TM2D3: variants seen among roughly 807,000 people sequenced by gnomAD.
TM2D3 encodes TM2 domain-containing protein 3.
TM2D3 carries 33 observed loss-of-function variants against 27.3 expected under a neutral mutation model. The ratio of observed to expected loss-of-function variants is 1.21; its 90% CI spans 0.92 to 1.61. The LOEUF (loss-of-function observed/expected upper bound fraction) is 1.61. Ranked by LOEUF, TM2D3 falls within the 40% of genes most tolerant of loss-of-function variation. The probability of loss-of-function intolerance (pLI) is 0.00; values close to 1 mark genes in which losing one functional copy is unlikely to be tolerated. For synonymous variants in TM2D3, 138 were observed against 122.2 expected, an observed-to-expected ratio of 1.13 and a Z score of -0.85; for missense variants, 364 against 320.8, an observed-to-expected ratio of 1.13 and a Z score of -1.03.
downstream of TM2D3, among the ~76,000 whole-genome samples, chr15:101,639,239 T>C (rs188392125): frequency 1.3e-5 from 2 of 152,166 alleles, no homozygotes; most frequent in South Asian, 2.1e-4. Context: ...AAGAAACGCA[T>C]ACGATGTATA....
At chr15:101,638,603 T>A (rs781747081), downstream of TM2D3, among the ~76,000 whole-genome samples, 7 of 152,120 alleles carry the variant, frequency 4.6e-5, no homozygotes, top group Non-Finnish European at 7.3e-5. Flanking sequence ...TGGCCTCCAG[T>A]GAGACTTTCT....
rs1221568139 is a variant in TM2D3 at position 101,642,516 on chromosome 15, C to T, written c.707G>A (p.Gly236Asp). 8 of 1,613,318 alleles carry T rather than the reference C, an allele frequency of 5.0e-6. No individual in the cohort carries two copies. Among genetic ancestry groups the T allele is most frequent in the Non-Finnish European group, 6.8e-6 (8 of 1,179,684 alleles). Residue 236 changes from glycine to aspartate, a missense_variant, in exon 6 of 6, where the codon GGC (glycine) becomes GAC (aspartate). By Grantham distance (94) the Gly-to-Asp change is moderately conservative. Transcript: ENST00000333202. ...TLIDVLLIGV[G>D]YVGPADGSLY... is the part of the protein sequence containing the mutation. Reference sequence around the variant, plus strand: ...AGAGCCATCTGCTGGTCCAACATAGCCAACTCCAATGAGCAGGACGTCTAT... The same window carrying T: ...AGAGCCATCTGCTGGTCCAACATAGTCAACTCCAATGAGCAGGACGTCTAT...
rs1229420529 is a variant in TM2D3 at position 101,650,199 on chromosome 15, A to G, written c.170-38T>C. 5 of 1,585,554 alleles carry G rather than the reference A, an allele frequency of 3.2e-6. No individual in the cohort carries two copies. In the South Asian group the frequency reaches 5.6e-5, roughly 18 times the overall value. ...AGAGAGAAGCTTATTCTCCTATAAT[A>G]CTGATTCGAATAACAGAGAACAATC... On this transcript the variant is annotated intron_variant, in intron 2 of 5. Transcript: ENST00000333202.
Position 101,642,259 on chromosome 15 carries a change from C to A in TM2D3, c.*220G>T. The A allele has an allele frequency of 8.1e-7, 1 of 1,228,348 alleles. No homozygotes were observed. Among genetic ancestry groups the A allele is most frequent in the Non-Finnish European group, 1.0e-6 (1 of 983,346 alleles). 76.1% of individuals were successfully genotyped at this position (1,228,348 alleles called of 1,614,324 possible). On this transcript the variant is annotated 3_prime_UTR_variant, in exon 6 of 6. Coordinates refer to ENST00000333202, the MANE Select transcript of TM2D3 (RefSeq NM_078474.3). ...ATAATTCATTCTCCTGGCTTAAGTACGTTTTAATTTTTTCACAGAAAAAAA... is the reference window on the plus strand; with the variant it reads ...ATAATTCATTCTCCTGGCTTAAGTAAGTTTTAATTTTTTCACAGAAAAAAA...
At chr15:101,651,647 C>G (rs377328879) in intron 2 of TM2D3, 49 bp downstream of exon 2, 7 of 1,534,272 alleles carry the variant, frequency 4.6e-6, no homozygotes, top group Non-Finnish European at 6.3e-6. Flanking sequence ...CAAAGAGAAA[C>G]TACTAGAGAT....
chr15:101,645,939 G>C (rs1400072059), intron 4 of TM2D3: 1 of 152,156 alleles, frequency 6.6e-6, no homozygotes, highest in East Asian at 1.9e-4. Flanking sequence ...AGAGAATATG[G>C]CTCATCAGGA....
At chr15:101,645,329 G>A (rs1382686084) in intron 4 of TM2D3, 167 bp from the exon 5 acceptor site, 1 of 614,250 alleles carries the variant, frequency 1.6e-6, no homozygotes, top group African/African-American at 1.9e-5. Flanking sequence ...CTACATAGAT[G>A]TAATATTTAA....
chr15:101,640,158 CTGAG>C (rs1199949615), downstream of TM2D3, among the ~76,000 whole-genome samples: 1 of 152,206 alleles, frequency 6.6e-6, no homozygotes. Context: ...ACATGATGGA[CTGAG>C]TATTTGTGTC....
At chr15:101,643,462 C>T (rs2141362291) in intron 5 of TM2D3, among the ~76,000 whole-genome samples, 1 of 151,904 alleles carries the variant, frequency 6.6e-6, no homozygotes, top group Middle Eastern at 3.4e-3. Flanking sequence ...ATTAGCCAGG[C>T]GTGGTGGCGG....
chr15:101,647,125 G>GA (rs1318628945), intron 3 of TM2D3, among the ~76,000 whole-genome samples: 1 of 152,054 alleles, frequency 6.6e-6, no homozygotes, highest in Non-Finnish European at 1.5e-5. Flanking sequence ...GTACTTAAGG[G>GA]AAAAAACTAG....
intron 2 of TM2D3, chr15:101,650,385 C>T (rs751672230): frequency 5.8e-5 from 24 of 411,630 alleles, no homozygotes; most frequent in Non-Finnish European, 9.4e-5. Context: ...TACTTCATTC[C>T]TGCCTCCCAC....
downstream of TM2D3, chr15:101,636,993 G>C (rs1896565556): frequency 2.9e-6 from 1 of 344,466 alleles, no homozygotes; most frequent in African/African-American, 2.2e-5. Context: ...ACAGTATCAA[G>C]AGGTCCTAAG....
Position 101,642,182 on chromosome 15 carries a change from T to C in TM2D3, c.*297A>G. On this transcript the variant is annotated 3_prime_UTR_variant, in exon 6 of 6. Transcript: ENST00000333202. ...GAGATACAAGTGATGTAGTTTGACT[T>C]GGGCAATACAAAACAAAAGTCATAG... 2.9e-6 allele frequency: 3 copies of C among 1,051,546 alleles called. No homozygotes were observed. Among genetic ancestry groups the C allele is most frequent in the Non-Finnish European group, 3.4e-6 (3 of 873,326 alleles). 65.1% of individuals were successfully genotyped at this position (1,051,546 alleles called of 1,614,324 possible).
intron 2 of TM2D3, chr15:101,650,402 G>C (rs973367327): frequency 2.6e-6 from 1 of 379,320 alleles, no homozygotes; most frequent in Non-Finnish European, 4.7e-6. Context: ...CCACGTGGCC[G>C]TGAAAACTAA....
At chr15:101,650,192 C>T (rs200508972) in intron 2 of TM2D3, 31 bp from the exon 3 acceptor site, 232 of 1,593,976 alleles carry the variant, frequency 1.5e-4, no homozygotes, top group Non-Finnish European at 1.9e-4. Context: ...GCTTATTCTC[C>T]TATAATACTG....
downstream of TM2D3, among the ~76,000 whole-genome samples, chr15:101,641,226 T>C (rs1896660598): frequency 6.6e-6 from 1 of 152,196 alleles, no homozygotes; most frequent in Non-Finnish European, 1.5e-5. Flanking sequence ...TAAACCGGGT[T>C]ACTCCCATCC....
At chr15:101,633,830 A>G (rs1022320400) in intron 4 of TM2D3, 1 of 997,236 alleles carries the variant, frequency 1.0e-6, no homozygotes, top group Non-Finnish European at 1.4e-6. Flanking sequence ...TATACCAAGA[A>G]CCAGGACATT....
chr15:101,640,224 T>A (rs374603421), downstream of TM2D3, among the ~76,000 whole-genome samples: 44 of 152,268 alleles, frequency 2.9e-4, no homozygotes, highest in African/African-American at 1.0e-3. Flanking sequence ...AATGATGGTA[T>A]CAGGAGGTGG....
chr15:101,647,959 G>A (rs540020020), intron 3 of TM2D3, among the ~76,000 whole-genome samples: 1 of 152,072 alleles, frequency 6.6e-6, no homozygotes, highest in African/African-American at 2.4e-5. Flanking sequence ...ATGCGGTGGT[G>A]CAATCTCGGC....
Sources: allele counts gnomAD v4.1 joint callset (sites outside exome capture counted in the v4.1 genomes callset), GRCh38; gene constraint gnomAD v4.1.1; transcripts MANE v1.5; gene names NCBI Gene and HGNC (gene_info 2026-07-23, HGNC 2026-07-21).